Variants in MAMLD1 observed in about 807,000 individuals in gnomAD.
MAMLD1 encodes the protein mastermind-like domain-containing protein 1.
Under a neutral mutation model 45.0 loss-of-function variants are expected in MAMLD1, and 14 were observed. That is an observed-to-expected ratio of 0.31 (90% CI 0.21 to 0.49). MAMLD1 has a LOEUF of 0.49. Ranked by LOEUF, MAMLD1 falls within the 20% of genes least tolerant of loss-of-function variation. MAMLD1 has a pLI of 0.99. For missense variants in MAMLD1, 543 were observed against 603.6 expected (o/e 0.90, Z 1.05); for synonymous variants, 254 against 247.8 (o/e 1.02, Z -0.24).
intron 2 of MAMLD1, 45 bp downstream of exon 2, chrX:150,445,657 A>T (rs2124600831): frequency 1.0e-6 from 1 of 967,707 alleles, no homozygotes; most frequent in South Asian, 2.0e-5. Flanking sequence ...TAATGCTTCT[A>T]ATCTTAAACT....
chrX:150,374,399 T>C (rs2032201615), intron 1 of MAMLD1, among the ~76,000 whole-genome samples: 1 of 112,014 alleles, frequency 8.9e-6, no homozygotes, highest in East Asian at 2.8e-4. Flanking sequence ...TTTGGAGCAT[T>C]GTGGGAGATT....
At chrX:150,434,190 A>G (rs1316225663) in intron 1 of MAMLD1, among the ~76,000 whole-genome samples, 1 of 111,766 alleles carries the variant, frequency 8.9e-6, no homozygotes, top group Non-Finnish European at 1.9e-5. Context: ...GCTTTTGTGC[A>G]TAGAGGTGTT....
At chrX:150,504,082 G>T in intron 6 of MAMLD1, 3 of 753,366 alleles carry the variant, frequency 4.0e-6, no homozygotes, top group Non-Finnish European at 4.7e-6. Flanking sequence ...TGGCAGTCTG[G>T]GTAGTACAGG....
At position 150,513,847 on chromosome X, in the gene MAMLD1, G is replaced by A. The variant is rs2037968322; in HGVS notation, c.*1888G>A. On this transcript the variant is annotated 3_prime_UTR_variant, in exon 8 of 8. Coordinates refer to ENST00000370401, the MANE Select transcript of MAMLD1 (RefSeq NM_005491.5). ...GCCCAGCTTGTGTGCACCCTCGTGG[G>A]GTTAAGGCGAGCTGTTCCTGGTTTA... 3.4e-6 allele frequency: 1 copy of A among 296,068 alleles called. No homozygotes were observed. Among genetic ancestry groups the A allele is most frequent in the Non-Finnish European group, 5.9e-6 (1 of 170,119 alleles). The allele number at this position is 296,068 out of a possible 1,213,427, so 24.4% of individuals were successfully genotyped here.
rs868935115 is a variant in MAMLD1, at chrX:150,402,404, T to C, written c.-64+38874T>C. ...CTCACACCAGTTAGAATGGCGATCA[T>C]TAAAAAGTCAGGAAACAACAGGTGC... On this transcript the variant is annotated intron_variant, in intron 1 of 7. Coordinates refer to ENST00000370401, the MANE Select transcript of MAMLD1 (RefSeq NM_005491.5). Among the ~76,000 whole-genome samples the C allele has an allele frequency of 2.5e-3, 272 of 107,945 alleles. 2 individuals are homozygous for C. The highest frequency in any genetic ancestry group is 9.0e-3 in the African/African-American group (260 of 28,871). 93.7% of individuals were successfully genotyped at this position (107,945 alleles called of 115,157 possible).
At position 150,471,148 on chromosome X, in the gene MAMLD1, G is replaced by T. The variant is rs2036411338; in HGVS notation, c.1575G>T (p.Gly525=). The change falls in exon 4 of 8, where the codon GGG becomes GGT. Residue 525 remains glycine, a synonymous_variant. Coordinates refer to ENST00000370401, the MANE Select transcript of MAMLD1 (RefSeq NM_005491.5). Reference sequence around the variant, plus strand: ...CCCTGAGCATGATCATGCAGCAGGGGATGGCAAGCTCCAGCCCAGGAGCCA... The same window carrying T: ...CCCTGAGCATGATCATGCAGCAGGGTATGGCAAGCTCCAGCCCAGGAGCCA... ...SKTLSMIMQQ[G]MASSSPGATE... 8.3e-7 allele frequency: 1 copy of T among 1,209,665 alleles called. No individual in the cohort carries two copies. The highest frequency in any genetic ancestry group is 1.1e-6 in the Non-Finnish European group (1 of 895,176).
chrX:150,440,823 C>G (rs1557404494), intron 1 of MAMLD1, among the ~76,000 whole-genome samples: 1 of 103,722 alleles, frequency 9.6e-6, no homozygotes, highest in East Asian at 2.9e-4. Flanking sequence ...TTGTTTTTCT[C>G]TCTTTAATAT....
At chrX:150,370,072 TGA>T (rs1435884503) in intron 1 of MAMLD1, among the ~76,000 whole-genome samples, 1 of 108,323 alleles carries the variant, frequency 9.2e-6, no homozygotes, top group Non-Finnish European at 1.9e-5. Context: ...CAGAAAAGGC[TGA>T]GTGTTTGTTG....
chrX:150,361,820 CGCTG>C (rs1173730715), upstream of MAMLD1: 1 of 112,919 alleles, frequency 8.9e-6, no homozygotes, highest in African/African-American at 3.2e-5. Flanking sequence ...GGACAGGGCG[CGCTG>C]GCCCGCCCGG....
At chrX:150,365,350 G>C (rs1048704702) in intron 1 of MAMLD1, among the ~76,000 whole-genome samples, 1 of 112,204 alleles carries the variant, frequency 8.9e-6, no homozygotes, top group Non-Finnish European at 1.9e-5. Flanking sequence ...CCCGGCCCTC[G>C]CTGCACGCCC....
At chrX:150,434,504 G>C (rs1557404197) in intron 1 of MAMLD1, among the ~76,000 whole-genome samples, 1 of 111,108 alleles carries the variant, frequency 9.0e-6, no homozygotes, top group African/African-American at 3.3e-5. Context: ...GGCGATGTTA[G>C]GTTGTTAATT....
intron 1 of MAMLD1, among the ~76,000 whole-genome samples, chrX:150,370,446 G>C (rs2031882105): frequency 8.9e-6 from 1 of 111,997 alleles, no homozygotes; most frequent in South Asian, 3.8e-4. Context: ...AGTCTGTAAA[G>C]GTGTCAAAGG....
intron 2 of MAMLD1, among the ~76,000 whole-genome samples, chrX:150,450,492 C>T (rs2035626737): frequency 9.0e-6 from 1 of 111,674 alleles, no homozygotes; most frequent in South Asian, 3.8e-4. Flanking sequence ...CTAGAGGCAA[C>T]TGTCCCTGCC....
chrX:150,470,539 A>C lies in MAMLD1; in HGVS notation c.966A>C (p.Gln322His), dbSNP rs782039491. Residue 322 changes from glutamine to histidine, a missense_variant, in exon 4 of 8, where the codon CAA becomes CAC. Physicochemically the swap from Gln to His is conservative, Grantham distance 24 (BLOSUM62 0). Coordinates refer to ENST00000370401, the MANE Select transcript of MAMLD1 (RefSeq NM_005491.5). ...ASKQGSATKQ[Q>H]GPTPSWSGLP... is the part of the protein sequence containing the mutation. ...AGCAGGGGTCTGCTACAAAGCAGCA[A>C]GGGCCCACCCCCAGTTGGTCTGGTC... 7.3e-5 allele frequency: 88 copies of C among 1,209,897 alleles called. No individual in the cohort carries two copies. The South Asian group carries it at 1.1e-3, about 15-fold the overall frequency.
At chrX:150,391,302 G>A (rs782173954) in intron 1 of MAMLD1, among the ~76,000 whole-genome samples, 25 of 111,332 alleles carry the variant, frequency 2.2e-4, no homozygotes, top group Non-Finnish European at 4.0e-4. Flanking sequence ...TGATAGAAAC[G>A]TTTGGATCTT....
chrX:150,361,599 A>C (rs191023523), upstream of MAMLD1: 8 of 112,548 alleles, frequency 7.1e-5, no homozygotes, highest in East Asian at 2.3e-3. Flanking sequence ...GTTGCTACTC[A>C]GAGGTGCGGA....
chrX:150,417,256 A>G lies in MAMLD1; in HGVS notation c.-63-28198A>G, dbSNP rs782572051. Among the ~76,000 whole-genome samples the G allele has an allele frequency of 1.4e-4, 15 of 105,663 alleles. No homozygotes were observed. The East Asian group carries it at 2.4e-3, about 17-fold the overall frequency. 91.8% of individuals were successfully genotyped at this position (105,663 alleles called of 115,157 possible). ...TTCCCACCTATGAGTGAGAATATGC[A>G]GTGTTTGGTTTTTTGTTCTTGTGAT... On this transcript the variant is annotated intron_variant, in intron 1 of 7. Coordinates refer to ENST00000370401, the MANE Select transcript of MAMLD1 (RefSeq NM_005491.5).
At chrX:150,494,050 A>G (rs1397482314) in intron 5 of MAMLD1, among the ~76,000 whole-genome samples, 1 of 111,752 alleles carries the variant, frequency 8.9e-6, no homozygotes, top group African/African-American at 3.3e-5. Context: ...ATTGTGGAAT[A>G]TAACATTGAT....
At chrX:150,464,263 C>T (rs2036148281) in intron 3 of MAMLD1, among the ~76,000 whole-genome samples, 1 of 111,561 alleles carries the variant, frequency 9.0e-6, no homozygotes, top group African/African-American at 3.3e-5. Context: ...ATCAGGGACA[C>T]CAATAAATCC....
Sources: allele counts gnomAD v4.1 joint callset (sites outside exome capture counted in the v4.1 genomes callset), GRCh38; gene constraint gnomAD v4.1.1; transcripts MANE v1.5; gene names NCBI Gene and HGNC (gene_info 2026-07-23, HGNC 2026-07-21).